Variants in CSMD3 observed in about 807,000 individuals in gnomAD.
CSMD3 encodes the protein CUB and sushi domain-containing protein 3.
Under a neutral mutation model 435.2 loss-of-function variants are expected in CSMD3, and 177 were observed. That is an observed-to-expected ratio of 0.41 (90% confidence interval 0.36 to 0.46). The LOEUF is 0.46. Ranked by LOEUF, CSMD3 falls within the 20% of genes least tolerant of loss-of-function variation. The pLI is 0.34. For synonymous variants in CSMD3, 1,656 were observed against 1,520.5 expected (o/e 1.09, Z -2.07); for missense variants, 4,265 against 4,504.6 (o/e 0.95, Z 1.52).
intron 13 of CSMD3, among the ~76,000 whole-genome samples, chr8:112,693,249 T>C (rs1315346936): frequency 6.6e-6 from 1 of 152,110 alleles, no homozygotes; most frequent in African/African-American, 2.4e-5. Flanking sequence ...AAGGAAAAGA[T>C]TAAACAGGAA....
At chr8:112,760,724 G>A (rs1020702731) in intron 13 of CSMD3, among the ~76,000 whole-genome samples, 1 of 152,058 alleles carries the variant, frequency 6.6e-6, no homozygotes, top group African/African-American at 2.4e-5. Context: ...TTACATTTTG[G>A]TAGACTTATT....
At chr8:113,389,210 C>T (rs1459790436) in intron 1 of CSMD3, among the ~76,000 whole-genome samples, 3 of 151,598 alleles carry the variant, frequency 2.0e-5, no homozygotes, top group African/African-American at 7.3e-5. Context: ...AAGGAATATT[C>T]TCTTGCACTT....
chr8:112,467,605 A>G (rs1047985708), intron 32 of CSMD3, among the ~76,000 whole-genome samples: 3 of 152,182 alleles, frequency 2.0e-5, no homozygotes, highest in African/African-American at 7.2e-5. Flanking sequence ...CCGGAATGTC[A>G]CCATATCTGG....
intron 1 of CSMD3, among the ~76,000 whole-genome samples, chr8:113,399,819 A>G (rs982909645): frequency 5.3e-5 from 8 of 151,970 alleles, no homozygotes; most frequent in Non-Finnish European, 7.4e-5. Flanking sequence ...TGGTATGTGA[A>G]TTATACTTTA....
At chr8:112,671,977 A>G (rs1307330966) in intron 16 of CSMD3, among the ~76,000 whole-genome samples, 1 of 152,034 alleles carries the variant, frequency 6.6e-6, no homozygotes, top group Non-Finnish European at 1.5e-5. Context: ...TGTCTAAGAT[A>G]CTGTGCTAGC....
At chr8:112,274,896 T>C (rs2130514154) in intron 59 of CSMD3, among the ~76,000 whole-genome samples, 1 of 152,314 alleles carries the variant, frequency 6.6e-6, no homozygotes, top group African/African-American at 2.4e-5. Context: ...CTTGAAGAAA[T>C]AGTTGACTAA....
chr8:112,830,548 GAAATTACATA>G (rs1433224142), intron 11 of CSMD3, among the ~76,000 whole-genome samples: 1 of 151,842 alleles, frequency 6.6e-6, no homozygotes, highest in Non-Finnish European at 1.5e-5. Context: ...AGTACAGAAA[GAAATTACATA>G]AAATTACATA....
chr8:112,992,211 T>A (rs927264895), intron 6 of CSMD3, among the ~76,000 whole-genome samples: 1 of 151,808 alleles, frequency 6.6e-6, no homozygotes, highest in Non-Finnish European at 1.5e-5. Context: ...TCTTTTTTGC[T>A]TGCTCTCTTG....
intron 10 of CSMD3, among the ~76,000 whole-genome samples, chr8:112,920,073 C>A (rs1046229492): frequency 1.3e-5 from 2 of 151,722 alleles, no homozygotes; most frequent in Non-Finnish European, 2.9e-5. Flanking sequence ...GAACAGCAAA[C>A]AAGCCATCAG....
chr8:113,049,505 T>C (rs2087992883), intron 5 of CSMD3, among the ~76,000 whole-genome samples: 1 of 152,014 alleles, frequency 6.6e-6, no homozygotes, highest in South Asian at 2.1e-4. Context: ...TTTAACATAA[T>C]GTTGACAGAT....
chr8:112,708,547 T>A (rs572970115), intron 13 of CSMD3, among the ~76,000 whole-genome samples: 59 of 151,840 alleles, frequency 3.9e-4, no homozygotes, highest in African/African-American at 1.4e-3. Flanking sequence ...AACTTGCAAC[T>A]TGTTTGAAGT....
At chr8:112,933,011 A>T (rs186269980) in intron 9 of CSMD3, among the ~76,000 whole-genome samples, 4 of 152,186 alleles carry the variant, frequency 2.6e-5, no homozygotes, top group Non-Finnish European at 5.9e-5. Context: ...GGTAAAAACA[A>T]AAACAAAAAT....
chr8:113,339,341 T>C (rs747001327), intron 1 of CSMD3, among the ~76,000 whole-genome samples: 8 of 151,934 alleles, frequency 5.3e-5, no homozygotes, highest in Non-Finnish European at 1.5e-5. Flanking sequence ...CAGTATCAAT[T>C]TGTCTGAGAA....
chr8:113,288,050 ACT>A (rs942416999), intron 2 of CSMD3, among the ~76,000 whole-genome samples: 3 of 151,850 alleles, frequency 2.0e-5, no homozygotes. Flanking sequence ...AATTATTTTC[ACT>A]CTTTTTGTTA....
intron 27 of CSMD3, among the ~76,000 whole-genome samples, chr8:112,527,984 T>C (rs2131054469): frequency 6.6e-6 from 1 of 152,254 alleles, no homozygotes; most frequent in Admixed American, 6.5e-5. Context: ...AGTGATGAAA[T>C]TCGTATAGTA....
intron 27 of CSMD3, among the ~76,000 whole-genome samples, chr8:112,533,998 A>G (rs981274512): frequency 3.9e-5 from 6 of 152,112 alleles, no homozygotes; most frequent in African/African-American, 1.4e-4. Context: ...ATTAAATGAC[A>G]TGCTCCTGAA....
At chr8:113,340,069 C>T (rs1259546308) in intron 1 of CSMD3, among the ~76,000 whole-genome samples, 1 of 151,954 alleles carries the variant, frequency 6.6e-6, no homozygotes, top group Non-Finnish European at 1.5e-5. Flanking sequence ...TCTAAACTTA[C>T]TATAACTATT....
intron 7 of CSMD3, among the ~76,000 whole-genome samples, chr8:112,972,663 T>A (rs1243281657): frequency 2.0e-5 from 3 of 152,004 alleles, no homozygotes; most frequent in Non-Finnish European, 2.9e-5. Context: ...GAAGGTAATT[T>A]CAAGCCTTTA....
At chr8:112,455,444 A>T (rs1586382152) in intron 32 of CSMD3, among the ~76,000 whole-genome samples, 1 of 152,146 alleles carries the variant, frequency 6.6e-6, no homozygotes, top group East Asian at 1.9e-4. Context: ...GAGCTGAAAA[A>T]CTACCTATTG....
Sources: allele counts gnomAD v4.1 joint callset (sites outside exome capture counted in the v4.1 genomes callset), GRCh38; gene constraint gnomAD v4.1.1; transcripts MANE v1.5; gene names NCBI Gene and HGNC (gene_info 2026-07-23, HGNC 2026-07-21).